Variants in PIK3AP1 observed in about 807,000 individuals in gnomAD.
The protein encoded by PIK3AP1 is phosphoinositide 3-kinase adapter protein 1.
A neutral mutation model predicts 88.1 loss-of-function variants in PIK3AP1; 21 were observed. That is an observed-to-expected ratio of 0.24 (90% CI 0.17 to 0.34). The LOEUF is 0.34. Among genes scored for constraint, PIK3AP1 ranks in the 10% least tolerant of loss-of-function variants. The probability of loss-of-function intolerance (pLI) is 1.00; values close to 1 mark genes in which losing one functional copy is unlikely to be tolerated. For synonymous variants in PIK3AP1, 398 were observed against 400.0 expected, an observed-to-expected ratio of 1.00 and a Z score of 0.06; for missense variants, 828 against 1,035.7, an observed-to-expected ratio of 0.80 and a Z score of 2.75.
Position 96,651,526 on chromosome 10 carries a change from C to T in PIK3AP1, c.838G>A (p.Val280Met), listed in dbSNP as rs1843537006. 1.9e-6 allele frequency: 3 copies of T among 1,614,086 alleles called. No individual in the cohort carries two copies. The highest frequency in any genetic ancestry group is 2.5e-6 in the Non-Finnish European group (3 of 1,180,050). The stretch of plus-strand genomic sequence containing the variant: ...ATCCTTACCTGACACATGAATTCCA[C>T]AGGATTCGCGGCATTGGACAATAAA... Reference protein sequence around the residue: ...GNLLSNAANPVEFMCQAFKIV... With the variant: ...GNLLSNAANPMEFMCQAFKIV... The change falls in exon 5 of 17, where the codon GTG becomes ATG. Residue 280 changes from valine to methionine, a missense_variant. Coordinates refer to ENST00000339364, the MANE Select transcript of PIK3AP1 (RefSeq NM_152309.3).
At chr10:96,626,680 G>C in intron 10 of PIK3AP1, 28 bp downstream of exon 10, 3 of 1,608,672 alleles carry the variant, frequency 1.9e-6, no homozygotes, top group South Asian at 2.2e-5. Context: ...CAAAGACCCA[G>C]TTGGACATCA....
intron 10 of PIK3AP1, 121 bp downstream of exon 10, chr10:96,626,587 G>T: frequency 1.8e-6 from 2 of 1,094,124 alleles, no homozygotes; most frequent in Non-Finnish European, 1.3e-6. Flanking sequence ...CGTAGGGCTG[G>T]TTGAAGACCA....
intron 8 of PIK3AP1, among the ~76,000 whole-genome samples, chr10:96,643,176 T>C (rs918589466): frequency 6.6e-6 from 1 of 152,200 alleles, no homozygotes; most frequent in African/African-American, 2.4e-5. Context: ...AGAGGCTGCT[T>C]TGTTATCCAA....
At chr10:96,649,781 C>T (rs576674179) in intron 6 of PIK3AP1, among the ~76,000 whole-genome samples, 1 of 152,320 alleles carries the variant, frequency 6.6e-6, no homozygotes, top group East Asian at 1.9e-4. Context: ...ACAAGCCCCA[C>T]CAGGACGTCA....
chr10:96,643,816 TGTCTTCTTTTCAGGCTGAA>T (rs1202226148), intron 8 of PIK3AP1, among the ~76,000 whole-genome samples: 1 of 152,224 alleles, frequency 6.6e-6, no homozygotes, highest in African/African-American at 2.4e-5. Flanking sequence ...AGGGCCCTAC[TGTCTTCTTTTCAGGCTGAA>T]GGCTTGTAAC....
At chr10:96,641,086 CGTGTGTGTGTGTGTGTGT>C (rs56816682) in intron 8 of PIK3AP1, among the ~76,000 whole-genome samples, 18 of 143,228 alleles carry the variant, frequency 1.3e-4, no homozygotes, top group Admixed American at 9.0e-4. Context: ...GTGAGTGTGC[CGTGTGTGTGTGTGTGTGT>C]GTGTGTGTGT....
In PIK3AP1 at chr10:96,687,276, A is replaced by G. The variant is rs570078042; in HGVS notation, c.430+22291T>C. Among the ~76,000 whole-genome samples, 1,190 of 135,738 alleles carry G rather than the reference A, an allele frequency of 8.8e-3. 22 individuals are homozygous for G. Among genetic ancestry groups the G allele is most frequent in the African/African-American group, 0.029 (799 of 27,110 alleles). 89.0% of individuals were successfully genotyped at this position (135,738 alleles called of 152,430 possible). A position where few individuals can be genotyped will look rare whatever the true frequency, so the allele number is the denominator to read the frequency against. ...ATCTCAAAAAAAAAAAAAAAAAAAA[A>G]AAAAAAAAAGAAAAAAGATCTCCTC... On this transcript the variant is annotated intron_variant, in intron 2 of 16. Transcript: ENST00000339364.
intron 2 of PIK3AP1, among the ~76,000 whole-genome samples, chr10:96,658,538 C>G (rs1482774679): frequency 6.6e-6 from 1 of 152,174 alleles, no homozygotes; most frequent in Admixed American, 6.5e-5. Flanking sequence ...ACCCTGACCC[C>G]TGGCCTACTC....
At chr10:96,661,662 T>G (rs1369425465) in intron 2 of PIK3AP1, among the ~76,000 whole-genome samples, 1 of 152,168 alleles carries the variant, frequency 6.6e-6, no homozygotes, top group East Asian at 1.9e-4. Context: ...GGCATGTGCC[T>G]GCAGTCCCAG....
At chr10:96,629,909 C>CAAAAAAAAAAAAAAAAAAAAAAAAAAAA (rs66669261) in intron 8 of PIK3AP1, among the ~76,000 whole-genome samples, 2 of 5,412 alleles carry the variant, frequency 3.7e-4, no homozygotes, top group South Asian at 9.6e-3. Flanking sequence ...CAACAACAAC[C>CAAAAAAAAAAAAAAAAAAAAAAAAAAAA]AAAAAAAAAA....
Position 96,708,517 on chromosome 10 carries a change from G to A in PIK3AP1, c.430+1050C>T, listed in dbSNP as rs566139677. Among the ~76,000 whole-genome samples the A allele has an allele frequency of 2.1e-5, 3 of 140,128 alleles. No individual in the cohort carries two copies. The South Asian group carries it at 7.5e-4, about 35-fold the overall frequency. The allele number at this position is 140,128 out of a possible 152,430, so 91.9% of individuals were successfully genotyped here. On this transcript the variant is annotated intron_variant, in intron 2 of 16. Transcript: ENST00000339364. ...TTGAATCCAGGAGGTGGAGGTTGCAGTGAGCTGAGATCACACCACTGCACT... is the reference window on the plus strand; with the variant it reads ...TTGAATCCAGGAGGTGGAGGTTGCAATGAGCTGAGATCACACCACTGCACT...
chr10:96,664,992 T>C (rs988807409), intron 2 of PIK3AP1, among the ~76,000 whole-genome samples: 3 of 142,702 alleles, frequency 2.1e-5, no homozygotes, highest in Admixed American at 6.8e-5. Context: ...CACCTGAACA[T>C]GTAGATCCCT....
rs538191848 is a variant in PIK3AP1 at position 96,633,161 on chromosome 10, A to C, written c.1376-4668T>G. 2.2e-5 allele frequency: 29 copies of C among 1,316,704 alleles called. No individual in the cohort carries two copies. In the East Asian group the frequency reaches 5.6e-4, roughly 26 times the overall value. The allele number at this position is 1,316,704 out of a possible 1,614,324, so 81.6% of individuals were successfully genotyped here. ...TCAATGCCCTCAGGAAAGCCCAAAG[A>C]ATGCTGTCCCTTTCAAGTATTTCTA... On this transcript the variant is annotated intron_variant, in intron 8 of 16. Transcript: ENST00000339364.
chr10:96,661,811 A>T (rs1456445804), intron 2 of PIK3AP1, among the ~76,000 whole-genome samples: 2 of 146,330 alleles, frequency 1.4e-5, no homozygotes, highest in Non-Finnish European at 3.0e-5. Flanking sequence ...ACAGGACAGG[A>T]CAGGACAGGA....
intron 12 of PIK3AP1, among the ~76,000 whole-genome samples, chr10:96,617,616 G>A (rs1843012458): frequency 1.3e-5 from 2 of 152,218 alleles, no homozygotes; most frequent in East Asian, 3.9e-4. Flanking sequence ...GCCAGATGCA[G>A]GCAACAGAAG....
intron 8 of PIK3AP1, among the ~76,000 whole-genome samples, chr10:96,639,627 C>T (rs1322654671): frequency 6.6e-6 from 1 of 152,220 alleles, no homozygotes; most frequent in Non-Finnish European, 1.5e-5. Context: ...TCAAGAGGTA[C>T]ACTGAGCTCA....
chr10:96,653,857 C>T (rs1165234906), intron 3 of PIK3AP1, among the ~76,000 whole-genome samples: 3 of 152,200 alleles, frequency 2.0e-5, no homozygotes, highest in Non-Finnish European at 4.4e-5. Context: ...ATCATTGGTC[C>T]ATTTCAGAAT....
rs972272839 is a variant in PIK3AP1 at position 96,651,256 on chromosome 10, A to G, written c.980T>C (p.Met327Thr). The part of the protein sequence containing the change: ...FGINQLEEED[M>T]MTNQRDEELP... ...TTTGACTGTCAACTTACTTGTCATC[A>G]TATCTTCTTCTTCCAGCTGGTTGAT... is the stretch of plus-strand genomic sequence containing the variant. The change falls in exon 6 of 17, where the codon ATG becomes ACG. Residue 327 changes from methionine to threonine, a missense_variant. Physicochemically the swap from Met to Thr is moderately conservative, Grantham distance 81 (BLOSUM62 -1). Transcript: ENST00000339364. The G allele has an allele frequency of 6.2e-7, 1 of 1,614,216 alleles. No homozygotes were observed. The highest frequency in any genetic ancestry group is 8.5e-7 in the Non-Finnish European group (1 of 1,180,024).
Position 96,695,515 on chromosome 10 carries a change from C to A in PIK3AP1, c.430+14052G>T, listed in dbSNP as rs377612979. 5.3e-5 allele frequency among the ~76,000 whole-genome samples: 8 copies of A among 152,292 alleles called. No homozygotes were observed. In the South Asian group the frequency reaches 1.5e-3, roughly 28 times the overall value. ...GTGTTATCAGATGTTGGAGAGTAAACCAGCAGTCTGTGAAACTGGCAAGCT... is the reference window on the plus strand; with the variant it reads ...GTGTTATCAGATGTTGGAGAGTAAAACAGCAGTCTGTGAAACTGGCAAGCT... On this transcript the variant is annotated intron_variant, in intron 2 of 16. Transcript: ENST00000339364.
Sources: gnomAD v4.1 joint callset for allele counts (sites outside exome capture counted in the v4.1 genomes callset) on GRCh38, gnomAD v4.1.1 for gene constraint, MANE v1.5 for transcripts, NCBI Gene and HGNC (gene_info 2026-07-23, HGNC 2026-07-21) for gene names.